Variants in FRMD3 observed in about 807,000 individuals in gnomAD.
FRMD3 encodes the protein FERM domain containing 3.
In FRMD3, 33 loss-of-function variants were observed where a neutral mutation model predicts 70.2. That is an observed-to-expected ratio of 0.47 (90% confidence interval 0.36 to 0.63). FRMD3 has a LOEUF of 0.63. Ranked by LOEUF, FRMD3 falls within the 20% of genes least tolerant of loss-of-function variation. The pLI is 0.00. For synonymous variants in FRMD3, 279 were observed against 255.9 expected, an observed-to-expected ratio of 1.09 and a Z score of -0.86; for missense variants, 632 against 711.4, an observed-to-expected ratio of 0.89 and a Z score of 1.27.
intron 1 of FRMD3, among the ~76,000 whole-genome samples, chr9:83,482,609 T>C (rs1229331207): frequency 6.6e-6 from 1 of 152,180 alleles, no homozygotes; most frequent in East Asian, 1.9e-4. Flanking sequence ...AGACGATGAT[T>C]GGTATACACA....
chr9:83,356,270 C>CA (rs1824332678), intron 3 of FRMD3, among the ~76,000 whole-genome samples: 1 of 114,922 alleles, frequency 8.7e-6, no homozygotes, highest in African/African-American at 3.5e-5. Flanking sequence ...CACTCAGCAG[C>CA]ATTTTTTTTT....
the FRMD3 span, among the ~76,000 whole-genome samples, chr9:83,571,160 A>T: frequency 6.6e-6 from 1 of 152,132 alleles, no homozygotes; most frequent in Non-Finnish European, 1.5e-5. Flanking sequence ...CTGCAAAAAA[A>T]GGTTCTTAAA....
At chr9:83,400,637 A>C (rs1485526446) in intron 1 of FRMD3, among the ~76,000 whole-genome samples, 4 of 152,190 alleles carry the variant, frequency 2.6e-5, no homozygotes, top group Non-Finnish European at 4.4e-5. Flanking sequence ...AAGACTTACT[A>C]TAAAGTTACA....
chr9:83,533,708 C>A (rs146196866), intron 1 of FRMD3, among the ~76,000 whole-genome samples: 129 of 152,256 alleles, frequency 8.5e-4, no homozygotes, highest in African/African-American at 2.9e-3. Flanking sequence ...AGGGACTCTG[C>A]GGTGAACATC....
chr9:83,299,224 G>C, intron 10 of FRMD3, 38 bp from the exon 11 acceptor site: 2 of 1,386,758 alleles, frequency 1.4e-6, no homozygotes, highest in South Asian at 1.2e-5. Flanking sequence ...TTAGGACATT[G>C]GAAAGTCCAC....
chr9:83,338,698 T>G (rs1053040548), intron 5 of FRMD3, among the ~76,000 whole-genome samples: 3 of 152,184 alleles, frequency 2.0e-5, no homozygotes, highest in Non-Finnish European at 4.4e-5. Context: ...ATTAATCATT[T>G]TATAAGGATG....
intron 1 of FRMD3, among the ~76,000 whole-genome samples, chr9:83,445,445 T>C (rs950551513): frequency 7.2e-5 from 11 of 152,134 alleles, no homozygotes; most frequent in Admixed American, 1.3e-4. Flanking sequence ...CCAGAAGATA[T>C]GCTCCAAAGG....
At chr9:83,272,561 C>A (rs935358997) in intron 13 of FRMD3, among the ~76,000 whole-genome samples, 16 of 152,170 alleles carry the variant, frequency 1.1e-4, no homozygotes, top group Non-Finnish European at 2.2e-4. Flanking sequence ...CTCTGCCTGG[C>A]CGCCCATCGT....
chr9:83,380,758 G>A (rs950099386), intron 2 of FRMD3, among the ~76,000 whole-genome samples: 1 of 152,126 alleles, frequency 6.6e-6, no homozygotes, highest in Non-Finnish European at 1.5e-5. Flanking sequence ...AATAAATTAC[G>A]CACTTCTCTG....
At chr9:83,359,921 T>C (rs1325830764) in intron 3 of FRMD3, among the ~76,000 whole-genome samples, 2 of 152,186 alleles carry the variant, frequency 1.3e-5, no homozygotes, top group African/African-American at 2.4e-5. Flanking sequence ...GAATTATTGT[T>C]ACTCTAAAGT....
intron 1 of FRMD3, among the ~76,000 whole-genome samples, chr9:83,462,772 G>A (rs923502980): frequency 2.6e-5 from 4 of 152,106 alleles, no homozygotes; most frequent in Admixed American, 2.6e-4. Context: ...AGGAAAATAG[G>A]GAATAGAAGA....
intron 13 of FRMD3, among the ~76,000 whole-genome samples, chr9:83,266,066 A>G (rs559297540): frequency 6.6e-6 from 1 of 152,306 alleles, no homozygotes; most frequent in South Asian, 2.1e-4. Flanking sequence ...GGATATGGAA[A>G]GTCCTTCAAG....
intron 12 of FRMD3, among the ~76,000 whole-genome samples, chr9:83,295,833 G>A (rs1834639314): frequency 6.6e-6 from 1 of 152,210 alleles, no homozygotes; most frequent in Non-Finnish European, 1.5e-5. Context: ...TCACCCAGTG[G>A]CCAGTTCAGG....
intron 5 of FRMD3, among the ~76,000 whole-genome samples, chr9:83,337,166 G>A (rs995338484): frequency 2.0e-4 from 31 of 152,064 alleles, no homozygotes; most frequent in Non-Finnish European, 1.0e-4. Context: ...TGTTGAATAC[G>A]TATACTTGGC....
In FRMD3 at chr9:83,423,854, C is replaced by CA. The variant is rs561774524; in HGVS notation, c.148-34147_148-34146insT. On this transcript the variant is annotated intron_variant, in intron 1 of 13. Transcript: ENST00000304195. ...CAGGTGATCCACTTGCCGCTGCCTC[C>CA]CAAAGTGCTGGGATTACAGGCATGA... Among the ~76,000 whole-genome samples, 6 of 152,040 alleles carry CA rather than the reference C, an allele frequency of 3.9e-5. No homozygotes were observed. In the South Asian group the frequency reaches 1.2e-3, roughly 32 times the overall value.
In FRMD3 at chr9:83,537,165, C is replaced by T. The variant is rs1288446198; in HGVS notation, c.147+920G>A. Among the ~76,000 whole-genome samples, 1 of 152,120 alleles carries T rather than the reference C, an allele frequency of 6.6e-6. No individual in the cohort carries two copies. Among genetic ancestry groups the T allele is most frequent in the African/African-American group, 2.4e-5 (1 of 41,420 alleles). ...TATTCACCCACAGCAAATATGCACA[C>T]GCACGCGCAACCACATGCACACACA... On this transcript the variant is annotated intron_variant, in intron 1 of 13. Coordinates refer to ENST00000304195, the MANE Select transcript of FRMD3 (RefSeq NM_174938.6). This position sits in a 1 kb window ranked among gnomAD's most constrained non-coding sequence, Gnocchi z 4.1.
chr9:83,559,866 A>C, the FRMD3 span, among the ~76,000 whole-genome samples: 1 of 152,072 alleles, frequency 6.6e-6, no homozygotes, highest in East Asian at 1.9e-4. Flanking sequence ...TTTTATTTAG[A>C]AGTTTAATAC....
Position 83,246,094 on chromosome 9 carries a change from T to G in FRMD3, c.*1824A>C. ...CAAAACTCATTTCCAAAATTAAATG[T>G]CCAGTGAAGTACTCAGAGCTCCACT... On this transcript the variant is annotated 3_prime_UTR_variant, in exon 14 of 14. Transcript: ENST00000304195. 1.0e-6 allele frequency: 1 copy of G among 985,264 alleles called. No homozygotes were observed. The highest frequency in any genetic ancestry group is 4.7e-5 in the South Asian group (1 of 21,270). The allele number at this position is 985,264 out of a possible 1,614,324, so 61.0% of individuals were successfully genotyped here. A position where few individuals can be genotyped will look rare whatever the true frequency, so the allele number is the denominator to read the frequency against.
At chr9:83,261,993 A>G (rs1833016061) in intron 13 of FRMD3, among the ~76,000 whole-genome samples, 1 of 152,230 alleles carries the variant, frequency 6.6e-6, no homozygotes, top group South Asian at 2.1e-4. Flanking sequence ...GACACTGGTA[A>G]GCACTCAATA....
Sources: allele counts gnomAD v4.1 joint callset (sites outside exome capture counted in the v4.1 genomes callset), GRCh38; gene constraint gnomAD v4.1.1; non-coding constraint Gnocchi (gnomAD v3.1); transcripts MANE v1.5; gene names NCBI Gene and HGNC (gene_info 2026-07-23, HGNC 2026-07-21).